The following MSRA variants were observed in gnomAD, a reference collection of about 807,000 sequenced individuals.
MSRA encodes methionine sulfoxide reductase A.
In MSRA, 54 loss-of-function variants were observed where a neutral mutation model predicts 31.3. The ratio of observed to expected loss-of-function variants is 1.73; its 90% CI spans 1.39 to 2.17. MSRA has a LOEUF of 2.17. Ranked by LOEUF, MSRA falls within the 30% of genes most tolerant of loss-of-function variation. The pLI is 0.00. For synonymous variants in MSRA, 169 were observed against 116.5 expected, an observed-to-expected ratio of 1.45 and a Z score of -2.90; for missense variants, 507 against 300.9, an observed-to-expected ratio of 1.69 and a Z score of -5.07.
chr8:10,340,758 C>T (rs1176647521), intron 5 of MSRA, among the ~76,000 whole-genome samples: 5 of 152,220 alleles, frequency 3.3e-5, no homozygotes, highest in African/African-American at 4.8e-5. Flanking sequence ...CAAGTACCTC[C>T]GTATTCAAGG....
chr8:10,374,383 A>T (rs985955198), intron 5 of MSRA, among the ~76,000 whole-genome samples: 1 of 152,144 alleles, frequency 6.6e-6, no homozygotes, highest in Non-Finnish European at 1.5e-5. Context: ...GGGAGAGGTG[A>T]TAAGAATAGC....
chr8:10,103,003 G>C (rs542571729), intron 1 of MSRA, among the ~76,000 whole-genome samples: 1 of 152,286 alleles, frequency 6.6e-6, no homozygotes, highest in Admixed American at 6.5e-5. Flanking sequence ...ATTAGGGACT[G>C]AGCCTTCTTT....
intron 3 of MSRA, among the ~76,000 whole-genome samples, chr8:10,246,289 A>G (rs1797619487): frequency 6.6e-6 from 1 of 152,220 alleles, no homozygotes; most frequent in Non-Finnish European, 1.5e-5. Context: ...CTAGGCTAAC[A>G]GGGTAGGCAG....
chr8:10,222,595 A>T (rs143692615), intron 2 of MSRA, among the ~76,000 whole-genome samples: 72 of 152,346 alleles, frequency 4.7e-4, no homozygotes, highest in African/African-American at 1.7e-3. Context: ...TACAATGTCC[A>T]TCAGTGGATG....
chr8:10,073,437 T>C (rs1225017616), intron 1 of MSRA, among the ~76,000 whole-genome samples: 2 of 152,350 alleles, frequency 1.3e-5, no homozygotes, highest in African/African-American at 2.4e-5. Flanking sequence ...AATCGAGTAG[T>C]TGTGATAGTG....
In MSRA at chr8:10,238,970, T is replaced by C. The variant is rs7816690; in HGVS notation, c.212-6134T>C. 7.4e-3 allele frequency among the ~76,000 whole-genome samples: 1,123 copies of C among 152,218 alleles called. 14 individuals carry two copies. Among genetic ancestry groups the C allele is most frequent in the African/African-American group, 0.026 (1,075 of 41,520 alleles). On this transcript the variant is annotated intron_variant, in intron 2 of 5. Transcript: ENST00000317173. ...TAAGTGAAGGGAAAAGCAAATCAGA[T>C]ATGAGGTAATATCTGTAATCATATA...
chr8:10,340,483 G>A (rs1013291111), intron 5 of MSRA, among the ~76,000 whole-genome samples: 10 of 152,230 alleles, frequency 6.6e-5, no homozygotes, highest in South Asian at 6.2e-4. Flanking sequence ...AGTGATTCTC[G>A]TCCTTCAGCC....
In MSRA at chr8:10,130,265, G is replaced by C. The variant is rs114186082; in HGVS notation, c.142+75607G>C. ...CATTTCTCAGCAACTTTGTGAATTA[G>C]AGACTGCTCATTATTCTATCATACA... On this transcript the variant is annotated intron_variant, in intron 1 of 5. Coordinates refer to ENST00000317173, the MANE Select transcript of MSRA (RefSeq NM_012331.5). 9.2e-3 allele frequency among the ~76,000 whole-genome samples: 1,400 copies of C among 152,288 alleles called. 22 individuals carry two copies. Among genetic ancestry groups the C allele is most frequent in the African/African-American group, 0.031 (1,273 of 41,560 alleles).
At chr8:10,269,570 T>A (rs996411654) in intron 3 of MSRA, among the ~76,000 whole-genome samples, 3 of 152,236 alleles carry the variant, frequency 2.0e-5, no homozygotes, top group Non-Finnish European at 2.9e-5. Context: ...ATGCGTGGGA[T>A]TCAGAGGCAG....
chr8:10,237,015 A>G (rs986648486), intron 2 of MSRA, among the ~76,000 whole-genome samples: 11 of 152,232 alleles, frequency 7.2e-5, no homozygotes, highest in Admixed American at 2.0e-4. Flanking sequence ...AGCTGATAGT[A>G]CAAACACTCA....
rs192313865 is a variant in MSRA, at chr8:10,379,175, C to T, written c.544-48973C>T. On this transcript the variant is annotated intron_variant, in intron 5 of 5. Coordinates refer to ENST00000317173, the MANE Select transcript of MSRA (RefSeq NM_012331.5). ...CTGTCCATAAGCATTTGGTGACTTG[C>T]CACTTTCCATTTTTGGAAAAGTCAC... 3.9e-5 allele frequency among the ~76,000 whole-genome samples: 6 copies of T among 152,270 alleles called. No individual in the cohort carries two copies. In the East Asian group the frequency reaches 1.2e-3, roughly 29 times the overall value.
intron 5 of MSRA, among the ~76,000 whole-genome samples, chr8:10,405,004 G>A (rs1053834008): frequency 2.6e-5 from 4 of 152,184 alleles, no homozygotes; most frequent in African/African-American, 7.2e-5. Flanking sequence ...CCAGATGTGG[G>A]GCCTGGGCCA....
At chr8:10,121,817 C>T (rs1039950522) in intron 1 of MSRA, among the ~76,000 whole-genome samples, 5 of 150,444 alleles carry the variant, frequency 3.3e-5, no homozygotes, top group African/African-American at 1.2e-4. Context: ...ACTACAGGTG[C>T]ACACCACCAT....
chr8:10,301,213 G>A (rs1243708391), intron 3 of MSRA, among the ~76,000 whole-genome samples: 2 of 152,086 alleles, frequency 1.3e-5, no homozygotes, highest in Non-Finnish European at 2.9e-5. Context: ...GCTATGTCAG[G>A]GTGGATCCAT....
intron 1 of MSRA, among the ~76,000 whole-genome samples, chr8:10,203,534 C>A (rs534968993): frequency 2.6e-5 from 4 of 152,146 alleles, no homozygotes; most frequent in Non-Finnish European, 5.9e-5. Context: ...ATGGTGACAT[C>A]GTAGCACAAC....
intron 1 of MSRA, among the ~76,000 whole-genome samples, chr8:10,141,260 C>G (rs1802681368): frequency 6.6e-6 from 1 of 152,204 alleles, no homozygotes; most frequent in Admixed American, 6.5e-5. Context: ...GCCTTATAAT[C>G]CTCACATCAC....
chr8:10,094,194 G>C (rs1799004078), intron 1 of MSRA, among the ~76,000 whole-genome samples: 1 of 152,118 alleles, frequency 6.6e-6, no homozygotes, highest in South Asian at 2.1e-4. Flanking sequence ...GCATTTTATT[G>C]ATCTATCAAC....
At chr8:10,387,128 C>T (rs1806444929) in intron 5 of MSRA, among the ~76,000 whole-genome samples, 1 of 152,180 alleles carries the variant, frequency 6.6e-6, no homozygotes, top group Non-Finnish European at 1.5e-5. Flanking sequence ...GGCTCGACCA[C>T]ACTTCCAGTA....
intron 3 of MSRA, among the ~76,000 whole-genome samples, chr8:10,280,905 A>C (rs1799588301): frequency 6.6e-6 from 1 of 152,252 alleles, no homozygotes; most frequent in Non-Finnish European, 1.5e-5. Context: ...ACTCGCAAAA[A>C]ACCATAGAGT....
Sources: gnomAD v4.1 joint callset for allele counts (sites outside exome capture counted in the v4.1 genomes callset) on GRCh38, gnomAD v4.1.1 for gene constraint, MANE v1.5 for transcripts, NCBI Gene and HGNC (gene_info 2026-07-23, HGNC 2026-07-21) for gene names.